Variants in CTNNA3 observed in about 807,000 individuals in gnomAD.
CTNNA3 encodes the protein catenin alpha-3.
In CTNNA3, 76 loss-of-function variants were observed where a neutral mutation model predicts 95.7. The observed-to-expected ratio is 0.79, with a 90% CI of 0.66 to 0.96. The LOEUF (loss-of-function observed/expected upper bound fraction) is 0.96, where lower values mean the gene tolerates loss of function less well. Among genes scored for constraint, CTNNA3 ranks in the 40% least tolerant of loss-of-function variants. The pLI is 0.00. For missense variants in CTNNA3, 1,191 were observed against 1,089.8 expected (o/e 1.09, Z -1.31); for synonymous variants, 431 against 374.4 (o/e 1.15, Z -1.74).
intron 2 of CTNNA3, among the ~76,000 whole-genome samples, chr10:67,641,542 A>G (rs1839533491): frequency 6.6e-6 from 1 of 152,222 alleles, no homozygotes. Flanking sequence ...ATGCTACTAT[A>G]AAGACACATG....
chr10:66,037,220 T>C (rs931000596), intron 15 of CTNNA3, among the ~76,000 whole-genome samples: 2 of 152,092 alleles, frequency 1.3e-5, no homozygotes, highest in Admixed American at 6.6e-5. Flanking sequence ...ATAAGAAAAA[T>C]TCTAGATTTT....
At chr10:67,385,025 G>A (rs547215111) in intron 5 of CTNNA3, among the ~76,000 whole-genome samples, 5 of 150,804 alleles carry the variant, frequency 3.3e-5, no homozygotes, top group Non-Finnish European at 7.4e-5. Flanking sequence ...ATTTCTTTTC[G>A]GTTATTTTAC....
At chr10:66,474,203 G>A (rs531321084) in intron 11 of CTNNA3, among the ~76,000 whole-genome samples, 21 of 152,056 alleles carry the variant, frequency 1.4e-4, no homozygotes, top group Non-Finnish European at 1.5e-4. Flanking sequence ...ATTGACGAAC[G>A]TCTCTTTATT....
intron 11 of CTNNA3, among the ~76,000 whole-genome samples, chr10:66,402,275 C>T (rs986427802): frequency 1.3e-5 from 2 of 152,128 alleles, no homozygotes; most frequent in Non-Finnish European, 2.9e-5. Context: ...TGATTAGATG[C>T]ATAGAGTTTA....
At chr10:66,770,822 T>G (rs142640536) in intron 8 of CTNNA3, among the ~76,000 whole-genome samples, 231 of 137,216 alleles carry the variant, frequency 1.7e-3, no homozygotes, top group Non-Finnish European at 2.9e-3. Flanking sequence ...AAATATTTTA[T>G]GTTAAAATAT....
chr10:67,387,440 G>T (rs181153357), intron 5 of CTNNA3, among the ~76,000 whole-genome samples: 6,587 of 152,132 alleles, frequency 0.043, 452 homozygotes, highest in African/African-American at 0.15. Context: ...TTGCTAGCAC[G>T]GCAGTCTGAG....
intron 9 of CTNNA3, among the ~76,000 whole-genome samples, chr10:66,671,853 AG>A (rs2132474084): frequency 6.6e-6 from 1 of 152,296 alleles, no homozygotes; most frequent in East Asian, 1.9e-4. Context: ...CATTACTCCC[AG>A]GGTTGCTGTG....
intron 5 of CTNNA3, among the ~76,000 whole-genome samples, chr10:67,294,629 C>T (rs1050317355): frequency 6.6e-6 from 1 of 152,068 alleles, no homozygotes; most frequent in Non-Finnish European, 1.5e-5. Flanking sequence ...AGTGACTCCC[C>T]AGTTCTCCCA....
intron 7 of CTNNA3, among the ~76,000 whole-genome samples, chr10:66,887,632 C>T (rs1564745049): frequency 6.6e-6 from 1 of 152,120 alleles, no homozygotes; most frequent in Non-Finnish European, 1.5e-5. Flanking sequence ...AAAGTTATTA[C>T]TATCATACTT....
chr10:66,073,340 C>G lies in CTNNA3; in HGVS notation c.1978-3851G>C, dbSNP rs185335399. Among the ~76,000 whole-genome samples the G allele has an allele frequency of 1.8e-3, 281 of 152,256 alleles. 1 individual carries two copies. The highest frequency in any genetic ancestry group is 3.4e-3 in the Non-Finnish European group (234 of 68,012). Reference sequence around the variant, plus strand: ...TTAATTAGCCAATATAGTTCTTCTACAGTGTACATATAGGTCAGCTACGCT... The same window carrying G: ...TTAATTAGCCAATATAGTTCTTCTAGAGTGTACATATAGGTCAGCTACGCT... On this transcript the variant is annotated intron_variant, in intron 14 of 17. Coordinates refer to ENST00000433211, the MANE Select transcript of CTNNA3 (RefSeq NM_013266.4).
intron 7 of CTNNA3, among the ~76,000 whole-genome samples, chr10:67,023,705 T>C (rs1008884017): frequency 6.6e-6 from 1 of 152,342 alleles, no homozygotes; most frequent in South Asian, 2.1e-4. Context: ...TCAGAACTAC[T>C]AATCTTCTTA....
At chr10:67,720,111 CT>C (rs760939348) in intron 1 of CTNNA3, among the ~76,000 whole-genome samples, 35 of 35,408 alleles carry the variant, frequency 9.9e-4, no homozygotes, top group Non-Finnish European at 2.4e-3. Context: ...TTATCAGAGA[CT>C]AGGATTGCAA....
intron 7 of CTNNA3, among the ~76,000 whole-genome samples, chr10:67,034,362 G>T (rs555546611): frequency 6.6e-6 from 1 of 152,274 alleles, no homozygotes; most frequent in South Asian, 2.1e-4. Context: ...AAGTGATGAG[G>T]ATACAATGCC....
chr10:66,097,115 T>C (rs2081424623), intron 14 of CTNNA3, among the ~76,000 whole-genome samples: 1 of 152,138 alleles, frequency 6.6e-6, no homozygotes, highest in South Asian at 2.1e-4. Flanking sequence ...AGAATCACAA[T>C]GCCTTCTTCC....
At chr10:67,090,151 A>G (rs1408992690) in intron 7 of CTNNA3, among the ~76,000 whole-genome samples, 1 of 152,104 alleles carries the variant, frequency 6.6e-6, no homozygotes, top group Non-Finnish European at 1.5e-5. Context: ...ACATATATGT[A>G]TCCAGGAGTA....
At chr10:67,584,854 G>C (rs546657977) in intron 3 of CTNNA3, among the ~76,000 whole-genome samples, 1 of 152,236 alleles carries the variant, frequency 6.6e-6, no homozygotes, top group Non-Finnish European at 1.5e-5. Flanking sequence ...ATGGGCATGG[G>C]ACCCTGTGAG....
intron 5 of CTNNA3, among the ~76,000 whole-genome samples, chr10:67,504,459 A>AAC (rs1323837937): frequency 6.6e-6 from 1 of 150,654 alleles, no homozygotes; most frequent in Non-Finnish European, 1.5e-5. Context: ...AAAAAAAAAA[A>AAC]ACAGAGTAAC....
chr10:66,349,530 T>A (rs987525924), intron 12 of CTNNA3, among the ~76,000 whole-genome samples: 2 of 152,094 alleles, frequency 1.3e-5, no homozygotes, highest in Admixed American at 1.3e-4. Flanking sequence ...AGAGAGTGGC[T>A]CATGAAGGAA....
At chr10:67,402,968 C>T (rs1844980793) in intron 5 of CTNNA3, among the ~76,000 whole-genome samples, 1 of 152,296 alleles carries the variant, frequency 6.6e-6, no homozygotes, top group African/African-American at 2.4e-5. Flanking sequence ...CAAGGCACCT[C>T]ACAAAATAAG....
Sources: allele counts gnomAD v4.1 joint callset (sites outside exome capture counted in the v4.1 genomes callset), GRCh38; gene constraint gnomAD v4.1.1; transcripts MANE v1.5; gene names NCBI Gene and HGNC (gene_info 2026-07-23, HGNC 2026-07-21).